Variants in HTT observed in about 807,000 individuals in gnomAD.
HTT encodes huntingtin.
Under a neutral mutation model 362.3 loss-of-function variants are expected in HTT, and 104 were observed. The observed-to-expected ratio is 0.29, with a 90% CI of 0.24 to 0.34. HTT has a LOEUF of 0.34. Ranked by LOEUF, HTT falls within the 10% of genes least tolerant of loss-of-function variation. The pLI is 1.00. For synonymous variants in HTT, 1,577 were observed against 1,548.7 expected, an observed-to-expected ratio of 1.02 and a Z score of -0.43; for missense variants, 3,301 against 3,928.6, an observed-to-expected ratio of 0.84 and a Z score of 4.27.
chr4:3,233,799 G>A, intron 61 of HTT, among the ~76,000 whole-genome samples: 1 of 152,176 alleles, frequency 6.6e-6, no homozygotes. Flanking sequence ...CTGTACACAC[G>A]TGTCCTTGAC....
intron 50 of HTT, 82 bp downstream of exon 50, chr4:3,214,217 G>A: frequency 8.9e-7 from 1 of 1,128,830 alleles, no homozygotes; most frequent in Non-Finnish European, 1.2e-6. Flanking sequence ...CTGCCTGTTT[G>A]CCAGGTACTA....
At chr4:3,088,289 C>T (rs1026504127) in intron 2 of HTT, among the ~76,000 whole-genome samples, 4 of 151,736 alleles carry the variant, frequency 2.6e-5, no homozygotes, top group African/African-American at 9.7e-5. Flanking sequence ...CAGGTTCACG[C>T]CATTCTCCTG....
rs548426288 is a variant in HTT, at chr4:3,232,795, C to T, written c.8266-368C>T. 1.6e-4 allele frequency among the ~76,000 whole-genome samples: 25 copies of T among 152,358 alleles called. No homozygotes were observed. The East Asian group carries it at 3.9e-3, about 24-fold the overall frequency. ...CGTGACAGCGCGTGTGCAGTGTCGT[C>T]GCCAGGAAAGCACACTAGAGACTCG... On this transcript the variant is annotated intron_variant, in intron 60 of 66. Transcript: ENST00000355072.
At chr4:3,081,875 T>C (rs1712929590) in intron 1 of HTT, among the ~76,000 whole-genome samples, 1 of 151,916 alleles carries the variant, frequency 6.6e-6, no homozygotes, top group South Asian at 2.1e-4. Flanking sequence ...ATTTCTTTTT[T>C]GGCTGTTTTT....
At chr4:3,090,684 G>T (rs987142759) in intron 2 of HTT, among the ~76,000 whole-genome samples, 4 of 152,176 alleles carry the variant, frequency 2.6e-5, no homozygotes, top group African/African-American at 9.7e-5. Flanking sequence ...TAGATAGGAA[G>T]ATTTTATATT....
chr4:3,177,777 T>A (rs1718303459), intron 34 of HTT, among the ~76,000 whole-genome samples: 1 of 152,242 alleles, frequency 6.6e-6, no homozygotes, highest in Non-Finnish European at 1.5e-5. Flanking sequence ...TCTTGCTAGA[T>A]GTTGAGGTTT....
intron 29 of HTT, among the ~76,000 whole-genome samples, chr4:3,162,154 T>C (rs1717477754): frequency 6.6e-6 from 1 of 152,218 alleles, no homozygotes; most frequent in South Asian, 2.1e-4. Flanking sequence ...TAGCCAGTTT[T>C]CCCAACACCA....
At chr4:3,170,229 G>A (rs1717908877) in intron 29 of HTT, among the ~76,000 whole-genome samples, 1 of 152,086 alleles carries the variant, frequency 6.6e-6, no homozygotes, top group South Asian at 2.1e-4. Context: ...CATATAGATG[G>A]TTTACTCTTT....
rs1340523112 is a variant in HTT at position 3,175,906 on chromosome 4, A to G, written c.4407+799A>G. ...ACGTAAATCTGTTAATCCTGTCAGC[A>G]CTGTTACTCACCTGAAAGGGTCTGT... On this transcript the variant is annotated intron_variant, in intron 33 of 66. Coordinates refer to ENST00000355072, the MANE Select transcript of HTT (RefSeq NM_001388492.1). Among the ~76,000 whole-genome samples the G allele has an allele frequency of 5.9e-5, 9 of 152,102 alleles. 1 individual carries two copies. The highest frequency in any genetic ancestry group is 5.9e-4 in the Admixed American group (9 of 15,274).
chr4:3,178,482 T>C (rs1186062038), intron 35 of HTT, 36 bp downstream of exon 35: 1 of 1,603,272 alleles, frequency 6.2e-7, no homozygotes, highest in East Asian at 2.2e-5. Flanking sequence ...GTCTTCGGTG[T>C]CGTGATGTGC....
intron 48 of HTT, 151 bp downstream of exon 48, chr4:3,212,293 C>T (rs1720196941): frequency 1.4e-6 from 1 of 725,896 alleles, no homozygotes; most frequent in Non-Finnish European, 2.2e-6. Context: ...GTGTCCTCGG[C>T]TCAGAATTTC....
In HTT at chr4:3,206,938, C is replaced by T. The variant is rs927619958; in HGVS notation, c.6030C>T (p.Ile2010=). The stretch of plus-strand genomic sequence containing the variant: ...GTGTGCTGGCTCGCATGGTCGACAT[C>T]CTTGCTTGTCGCCGGGTAGAAATGC... ...PFRVLARMVD[I]LACRRVEMLL... The change falls in exon 44 of 67, where the codon ATC becomes ATT. Residue 2010 remains isoleucine (I), a synonymous_variant. Coordinates refer to ENST00000355072, the MANE Select transcript of HTT (RefSeq NM_001388492.1). This position sits in a 1 kb window ranked among gnomAD's most constrained non-coding sequence, Gnocchi z 4.6. 1.9e-6 allele frequency: 3 copies of T among 1,613,634 alleles called. No individual in the cohort carries two copies. The highest frequency in any genetic ancestry group is 2.5e-6 in the Non-Finnish European group (3 of 1,179,914).
chr4:3,207,104 G>T, intron 44 of HTT, 121 bp downstream of exon 44: 1 of 1,144,440 alleles, frequency 8.7e-7, no homozygotes, highest in Non-Finnish European at 1.2e-6. Context: ...TAGAAACATG[G>T]AAACATCTGC....
rs76822705 is a variant in HTT, at chr4:3,142,805, C to T, written c.2985C>T (p.Asp995=). 4.3e-5 allele frequency: 68 copies of T among 1,579,664 alleles called. No individual in the cohort carries two copies. The East Asian group carries it at 1.1e-3, about 26-fold the overall frequency. The part of the protein sequence containing the change: ...RGYNLLPSIT[D]VTMENNLSRV... ...ATAACCTACTACCAAGCATAACAGACGTCACTATGGAAAATAACCTTTCAA... is the reference window on the plus strand; with the variant it reads ...ATAACCTACTACCAAGCATAACAGATGTCACTATGGAAAATAACCTTTCAA... The change falls in exon 23 of 67, where the codon GAC becomes GAT. Residue 995 remains aspartate, a synonymous_variant. Coordinates refer to ENST00000355072, the MANE Select transcript of HTT (RefSeq NM_001388492.1).
chr4:3,188,910 T>C, intron 39 of HTT, 41 bp from the exon 40 acceptor site: 1 of 1,596,436 alleles, frequency 6.3e-7, no homozygotes, highest in Non-Finnish European at 8.6e-7. Flanking sequence ...TGCTTTATAG[T>C]AGTCACCTAA....
In HTT at chr4:3,233,286, G is replaced by A. The variant is rs1405779986; in HGVS notation, c.8389G>A (p.Asp2797Asn). 2 of 1,611,286 alleles carry A rather than the reference G, an allele frequency of 1.2e-6. No individual in the cohort carries two copies. The highest frequency in any genetic ancestry group is 1.7e-6 in the Non-Finnish European group (2 of 1,178,216). Residue 2797 changes from aspartate (D) to asparagine (N), a missense_variant, in exon 61 of 67, where the codon GAC becomes AAC. Asp to Asn is a conservative substitution (Grantham distance 23, BLOSUM62 1). This residue lies in a region of HTT where 753 missense variants were observed against 1,021.3 expected (regional missense o/e 0.74). Coordinates refer to ENST00000355072, the MANE Select transcript of HTT (RefSeq NM_001388492.1). ...LYVLECDLLD[D>N]TAKQLIPVIS... is the part of the protein sequence containing the mutation. The stretch of plus-strand genomic sequence containing the variant: ...TGTGCTGGAGTGCGACCTGCTGGAC[G>A]ACACTGCCAAGCAGCTCATCCCGGT...
At chr4:3,135,812 G>GGCAC in intron 19 of HTT, 92 bp from the exon 20 acceptor site, 1 of 907,646 alleles carries the variant, frequency 1.1e-6, no homozygotes, top group Non-Finnish European at 1.7e-6. Context: ...GTCCTTCCAG[G>GGCAC]GCACCTGGAT....
At chr4:3,233,136 C>T in intron 60 of HTT, 27 bp from the exon 61 acceptor site, 3 of 1,555,802 alleles carry the variant, frequency 1.9e-6, no homozygotes, top group Non-Finnish European at 2.6e-6. Context: ...TGGTGGCATG[C>T]AGCAGCTTTT....
At chr4:3,216,797 G>A (rs995334251) in intron 51 of HTT, among the ~76,000 whole-genome samples, 33 of 152,122 alleles carry the variant, frequency 2.2e-4, no homozygotes, top group African/African-American at 5.8e-4. Flanking sequence ...AGGCCGAGGC[G>A]GGCGGATCAC....
Sources: allele counts gnomAD v4.1 joint callset (sites outside exome capture counted in the v4.1 genomes callset), GRCh38; gene constraint gnomAD v4.1.1; regional missense constraint gnomAD v4.1.1; non-coding constraint Gnocchi (gnomAD v3.1); transcripts MANE v1.5; gene names NCBI Gene and HGNC (gene_info 2026-07-23, HGNC 2026-07-21).